The following ODAD2 variants were observed in gnomAD, a reference collection of about 807,000 sequenced individuals.
ODAD2 encodes the protein outer dynein arm-docking complex subunit 2.
ODAD2 carries 89 observed loss-of-function variants against 106.8 expected under a neutral mutation model. That is an observed-to-expected ratio of 0.83 (90% CI 0.70 to 0.99). The LOEUF (loss-of-function observed/expected upper bound fraction) is 0.99, where lower values mean the gene tolerates loss of function less well. Ranked by LOEUF, ODAD2 falls within the 50% of genes least tolerant of loss-of-function variation. The pLI, the probability that ODAD2 is intolerant of heterozygous loss-of-function variation, is 0.00. For missense variants in ODAD2, 1,168 were observed against 1,238.5 expected (o/e 0.94, Z 0.85); for synonymous variants, 404 against 436.2 (o/e 0.93, Z 0.92).
At chr10:27,963,350 A>C (rs1390058493) in intron 9 of ODAD2, among the ~76,000 whole-genome samples, 1 of 151,892 alleles carries the variant, frequency 6.6e-6, no homozygotes, top group African/African-American at 2.4e-5. Context: ...CCTCACAACC[A>C]CTTTGCAAAG....
chr10:27,862,391 C>T, intron 18 of ODAD2, 43 bp downstream of exon 18: 1 of 1,495,998 alleles, frequency 6.7e-7, no homozygotes, highest in Non-Finnish European at 9.1e-7. Context: ...ACCATGATAT[C>T]TCAGGACAAT....
chr10:27,947,339 C>A (rs369574339), intron 10 of ODAD2, among the ~76,000 whole-genome samples: 3 of 151,994 alleles, frequency 2.0e-5, no homozygotes, highest in East Asian at 1.9e-4. Context: ...GAGGCATGCA[C>A]CTGTAATCTC....
At chr10:27,821,070 G>A (rs1292787253) in intron 19 of ODAD2, among the ~76,000 whole-genome samples, 4 of 152,058 alleles carry the variant, frequency 2.6e-5, no homozygotes, top group Admixed American at 6.6e-5. Context: ...GTGAGCCACC[G>A]TGCCCAGCCA....
rs1839981839 is a variant in ODAD2 at position 27,860,735 on chromosome 10, A to G, written c.2911T>C (p.Tyr971His). 1 of 1,614,192 alleles carries G rather than the reference A, an allele frequency of 6.2e-7. No homozygotes were observed. Among genetic ancestry groups the G allele is most frequent in the East Asian group, 2.2e-5 (1 of 44,878 alleles). The change falls in exon 19 of 20, where the codon TAT (tyrosine) becomes CAT (histidine). Residue 971 changes from tyrosine (Y) to histidine (H), a missense_variant. Tyr to His is a moderately conservative substitution (Grantham distance 83, BLOSUM62 2). This residue lies in a region of ODAD2 where 701 missense variants were observed against 712.3 expected (regional missense o/e 0.98). Coordinates refer to ENST00000305242, the MANE Select transcript of ODAD2 (RefSeq NM_018076.5). ...ACGTTGGTGTCATTTGATTTCAGATAACGCACTAGTGGAGCCACTGCTTTG... is the reference window on the plus strand; with the variant it reads ...ACGTTGGTGTCATTTGATTTCAGATGACGCACTAGTGGAGCCACTGCTTTG... ...EHKAVAPLVR[Y>H]LKSNDTNVHR...
chr10:27,928,671 AAC>A (rs1845415859), intron 16 of ODAD2, among the ~76,000 whole-genome samples: 1 of 152,164 alleles, frequency 6.6e-6, no homozygotes, highest in Non-Finnish European at 1.5e-5. Context: ...ATATAAGAGA[AAC>A]ACAATCAAGA....
intron 12 of ODAD2, among the ~76,000 whole-genome samples, chr10:27,941,184 CTTAA>C (rs1217965757): frequency 2.6e-5 from 4 of 152,094 alleles, no homozygotes; most frequent in Admixed American, 2.0e-4. Flanking sequence ...GACTATACAC[CTTAA>C]AGCCACAAGA....
chr10:27,944,129 A>C, intron 12 of ODAD2, 93 bp downstream of exon 12: 1 of 1,088,526 alleles, frequency 9.2e-7, no homozygotes, highest in Non-Finnish European at 1.4e-6. Context: ...TCTCATGGCT[A>C]TGGAATTTCC....
chr10:27,952,027 A>G (rs1847362966), intron 10 of ODAD2, among the ~76,000 whole-genome samples: 1 of 142,368 alleles, frequency 7.0e-6, no homozygotes. Flanking sequence ...GTGAGCCAAG[A>G]TCGTGAAACT....
intron 18 of ODAD2, 49 bp from the exon 19 acceptor site, chr10:27,860,895 A>T: frequency 6.6e-7 from 1 of 1,509,946 alleles, no homozygotes; most frequent in Non-Finnish European, 9.2e-7. Flanking sequence ...ATGACCCTGC[A>T]AGATCATGTC....
intron 10 of ODAD2, among the ~76,000 whole-genome samples, chr10:27,946,995 T>C (rs1346888769): frequency 6.6e-6 from 1 of 152,166 alleles, no homozygotes; most frequent in Non-Finnish European, 1.5e-5. Flanking sequence ...ATGCTCCCAA[T>C]GGATGCAGCA....
intron 16 of ODAD2, among the ~76,000 whole-genome samples, chr10:27,911,808 C>A (rs1364828384): frequency 1.3e-5 from 2 of 152,136 alleles, no homozygotes; most frequent in Non-Finnish European, 2.9e-5. Context: ...TGCTTCTTAT[C>A]TCCCCAATTA....
rs1233963133 is a variant in ODAD2 at position 27,812,632 on chromosome 10, C to T, written c.3022-7G>A. The T allele has an allele frequency of 6.4e-7, 1 of 1,574,150 alleles. No individual in the cohort carries two copies. The highest frequency in any genetic ancestry group is 8.6e-7 in the Non-Finnish European group (1 of 1,167,792). On this transcript the variant is annotated splice_polypyrimidine_tract_variant and splice_region_variant and intron_variant, in intron 19 of 19. Coordinates refer to ENST00000305242, the MANE Select transcript of ODAD2 (RefSeq NM_018076.5). ...CAACCATATCCAGTAGAAGCTGTCACACATAAGGAGGAGAAGAAGGGACAC... is the reference window on the plus strand; with the variant it reads ...CAACCATATCCAGTAGAAGCTGTCATACATAAGGAGGAGAAGAAGGGACAC...
In ODAD2 at chr10:27,984,181, A is replaced by G. The variant is rs763523325; in HGVS notation, c.682+3T>C. 134 of 1,604,706 alleles carry G rather than the reference A, an allele frequency of 8.4e-5. No individual in the cohort carries two copies. Among genetic ancestry groups the G allele is most frequent in the Non-Finnish European group, 1.1e-4 (129 of 1,172,704 alleles). On this transcript the variant is annotated splice_donor_region_variant and intron_variant, in intron 5 of 19. Coordinates refer to ENST00000305242, the MANE Select transcript of ODAD2 (RefSeq NM_018076.5). Reference sequence around the variant, plus strand: ...ATAAAATGAGCCTGAGAAAACATCAAACCTGAGGTATATTCAATAGATTCC... The same window carrying G: ...ATAAAATGAGCCTGAGAAAACATCAGACCTGAGGTATATTCAATAGATTCC...
At chr10:27,853,090 C>T (rs890563850) in intron 19 of ODAD2, among the ~76,000 whole-genome samples, 5 of 151,940 alleles carry the variant, frequency 3.3e-5, no homozygotes, top group African/African-American at 1.2e-4. Context: ...AAGCCCTGGC[C>T]GGGCGCAGTG....
intron 10 of ODAD2, among the ~76,000 whole-genome samples, chr10:27,956,289 A>T (rs1445018416): frequency 6.6e-6 from 1 of 152,018 alleles, no homozygotes; most frequent in Non-Finnish European, 1.5e-5. Context: ...TGCTTTCATC[A>T]TCCCTTTCCC....
At chr10:27,959,072 C>T (rs868110734) in intron 10 of ODAD2, 1 of 1,199,890 alleles carries the variant, frequency 8.3e-7, no homozygotes, top group Non-Finnish European at 1.1e-6. Context: ...CTTAGAGGCT[C>T]ATGCCTGTAA....
chr10:27,971,824 A>G (rs566537061), intron 7 of ODAD2, among the ~76,000 whole-genome samples: 52 of 152,336 alleles, frequency 3.4e-4, no homozygotes, highest in Non-Finnish European at 6.6e-4. Flanking sequence ...TACTAAGAAT[A>G]AAACAAAAAT....
At chr10:27,819,574 TAAA>T (rs56031733) in intron 19 of ODAD2, among the ~76,000 whole-genome samples, 23 of 73,980 alleles carry the variant, frequency 3.1e-4, no homozygotes, top group South Asian at 1.3e-3. Context: ...CCCTGTCTCT[TAAA>T]AAAAAAAAAA....
chr10:27,835,216 G>A (rs969656355), intron 19 of ODAD2, among the ~76,000 whole-genome samples: 4 of 152,160 alleles, frequency 2.6e-5, no homozygotes, highest in African/African-American at 9.7e-5. Flanking sequence ...CTGAGGAGAT[G>A]GGCTGCTGAA....
Sources: allele counts gnomAD v4.1 joint callset (sites outside exome capture counted in the v4.1 genomes callset), GRCh38; gene constraint gnomAD v4.1.1; regional missense constraint gnomAD v4.1.1; transcripts MANE v1.5; gene names NCBI Gene and HGNC (gene_info 2026-07-23, HGNC 2026-07-21).